LINGO2: variants seen among roughly 807,000 people sequenced by gnomAD.
LINGO2 encodes leucine rich repeat and Ig domain containing 2.
LINGO2 carries 14 observed loss-of-function variants against 30.6 expected under a neutral mutation model. The observed-to-expected ratio is 0.46, with a 90% CI of 0.30 to 0.72. The LOEUF (loss-of-function observed/expected upper bound fraction) is 0.72, where lower values mean the gene tolerates loss of function less well. Among genes scored for constraint, LINGO2 ranks in the 30% least tolerant of loss-of-function variants. The pLI, the probability that LINGO2 is intolerant of heterozygous loss-of-function variation, is 0.07. For synonymous variants in LINGO2, 317 were observed against 288.5 expected (o/e 1.10, Z -1.00); for missense variants, 729 against 751.7 (o/e 0.97, Z 0.35).
rs1282266843 is a variant in LINGO2, at chr9:28,129,690, G to A, written c.-86-117285C>T. 1 of 152,116 alleles carries A rather than the reference G, an allele frequency of 6.6e-6. No homozygotes were observed. Among genetic ancestry groups the A allele is most frequent in the East Asian group, 1.9e-4 (1 of 5,200 alleles). The allele number at this position is 152,116 out of a possible 1,614,324, so 9.4% of individuals were successfully genotyped here. On this transcript the variant is annotated intron_variant, in intron 4 of 5. Transcript: ENST00000379992. This position sits in a 1 kb window ranked among gnomAD's most constrained non-coding sequence, Gnocchi z 4.0. ...AAAATCCAAATTAGTTTTTATTAGT[G>A]GTCCCATTGTAAATTTGAAAATTTC... is the stretch of plus-strand genomic sequence containing the variant.
chr9:28,806,797 G>GT, the LINGO2 span, among the ~76,000 whole-genome samples: 1 of 152,036 alleles, frequency 6.6e-6, no homozygotes, highest in African/African-American at 2.4e-5. Flanking sequence ...GCAGGACCCA[G>GT]TATTTCTCAA....
the LINGO2 span, among the ~76,000 whole-genome samples, chr9:29,104,618 G>A: frequency 3.9e-5 from 6 of 152,046 alleles, no homozygotes; most frequent in African/African-American, 7.2e-5. Flanking sequence ...TTGGGGAGAC[G>A]AAATACCAAA....
At chr9:28,837,843 G>C in the LINGO2 span, among the ~76,000 whole-genome samples, 1 of 150,488 alleles carries the variant, frequency 6.6e-6, no homozygotes, top group Non-Finnish European at 1.5e-5. Flanking sequence ...ACAAAAATTT[G>C]AGGTCATGAG....
At position 28,189,669 on chromosome 9, in the gene LINGO2, G is replaced by A. The variant is rs71480398; in HGVS notation, c.-87+105539C>T. On this transcript the variant is annotated intron_variant, in intron 4 of 5. Coordinates refer to ENST00000379992, the Ensembl canonical transcript of LINGO2. ...GGAGGGAGGAAGGAAGGAAGGAAGG[G>A]AGGAAGGAAGGAAGGGAGGAAGGAA... 7.0e-3 allele frequency among the ~76,000 whole-genome samples: 137 copies of A among 19,566 alleles called. 11 individuals carry two copies. The highest frequency in any genetic ancestry group is 0.023 in the South Asian group (8 of 342). The allele number at this position is 19,566 out of a possible 152,430, so 12.8% of individuals were successfully genotyped here.
At chr9:29,124,937 T>G in the LINGO2 span, among the ~76,000 whole-genome samples, 1 of 152,174 alleles carries the variant, frequency 6.6e-6, no homozygotes, top group Non-Finnish European at 1.5e-5. Flanking sequence ...TTATAAATCA[T>G]TCTACTATAA....
rs75534516 is a variant in LINGO2, at chr9:28,334,622, T to C, written c.-246+38214A>G. ...GTAGAGAATGGGACTCTAGTAGGTT[T>C]GGGTGGCGTAGTGGTTATGTAAGAA... On this transcript the variant is annotated intron_variant, in intron 3 of 5. Coordinates refer to ENST00000379992, the Ensembl canonical transcript of LINGO2. Among the ~76,000 whole-genome samples, 748 of 152,226 alleles carry C rather than the reference T, an allele frequency of 4.9e-3. 10 individuals carry two copies. The highest frequency in any genetic ancestry group is 0.017 in the African/African-American group (703 of 41,546).
chr9:28,803,632 T>C, the LINGO2 span, among the ~76,000 whole-genome samples: 1 of 152,112 alleles, frequency 6.6e-6, no homozygotes, highest in South Asian at 2.1e-4. Flanking sequence ...TAAAGTAACA[T>C]GGCTCAATAC....
chr9:28,700,743 G>T, the LINGO2 span, among the ~76,000 whole-genome samples: 1 of 152,120 alleles, frequency 6.6e-6, no homozygotes, highest in South Asian at 2.1e-4. Context: ...TTCCAAAGTG[G>T]CTGTACCACT....
At chr9:29,092,820 A>G in the LINGO2 span, among the ~76,000 whole-genome samples, 1 of 135,800 alleles carries the variant, frequency 7.4e-6, no homozygotes, top group Non-Finnish European at 1.6e-5. Flanking sequence ...GTAGATTAGG[A>G]TATCTTTATT....
chr9:28,983,034 A>G, the LINGO2 span, among the ~76,000 whole-genome samples: 1 of 151,832 alleles, frequency 6.6e-6, no homozygotes, highest in African/African-American at 2.4e-5. Flanking sequence ...TTGTAGGTAC[A>G]TAAGAAAATA....
chr9:28,118,391 G>A (rs1304220261), intron 4 of LINGO2, among the ~76,000 whole-genome samples: 1 of 152,162 alleles, frequency 6.6e-6, no homozygotes, highest in Non-Finnish European at 1.5e-5. Context: ...GTTGTCTCCA[G>A]ATTTTCAAAA....
intron 2 of LINGO2, among the ~76,000 whole-genome samples, chr9:28,451,890 T>C (rs1251281257): frequency 6.6e-6 from 1 of 151,686 alleles, no homozygotes; most frequent in Non-Finnish European, 1.5e-5. Flanking sequence ...CATGAAGTAA[T>C]TATCAATATT....
chr9:28,993,017 A>G, the LINGO2 span, among the ~76,000 whole-genome samples: 189 of 152,192 alleles, frequency 1.2e-3, 1 homozygote, highest in Non-Finnish European at 2.5e-3. Context: ...CTAAAATCAG[A>G]GCAGAACTGA....
At chr9:28,823,024 T>A in the LINGO2 span, among the ~76,000 whole-genome samples, 16 of 152,324 alleles carry the variant, frequency 1.1e-4, no homozygotes, top group Middle Eastern at 3.4e-3. Context: ...AATTCTCATA[T>A]CAATGAGTTG....
In LINGO2 at chr9:28,350,350, C is replaced by G. The variant is rs904944826; in HGVS notation, c.-246+22486G>C. Among the ~76,000 whole-genome samples, 20 of 144,686 alleles carry G rather than the reference C, an allele frequency of 1.4e-4. 1 individual carries two copies. In the East Asian group the frequency reaches 3.0e-3, roughly 22 times the overall value. 94.9% of individuals were successfully genotyped at this position (144,686 alleles called of 152,430 possible). ...ACAAAAGAAGGCAGGGGTTGCAATC[C>G]TAGTCTCTGATAAAACAGACTTTAA... is the stretch of plus-strand genomic sequence containing the variant. On this transcript the variant is annotated intron_variant, in intron 3 of 5. Coordinates refer to ENST00000379992, the Ensembl canonical transcript of LINGO2.
intron 1 of LINGO2, among the ~76,000 whole-genome samples, chr9:28,487,208 G>T (rs1484694826): frequency 6.6e-6 from 1 of 152,070 alleles, no homozygotes. Flanking sequence ...CTTTCCAATA[G>T]CAGGTGGTCT....
the LINGO2 span, among the ~76,000 whole-genome samples, chr9:28,853,794 GA>G: frequency 3.3e-5 from 5 of 151,884 alleles, no homozygotes; most frequent in African/African-American, 9.7e-5. Flanking sequence ...CCGCCCCTAT[GA>G]TCCAATTACC....
the LINGO2 span, among the ~76,000 whole-genome samples, chr9:28,931,826 G>A: frequency 7.2e-5 from 11 of 151,942 alleles, no homozygotes; most frequent in African/African-American, 2.4e-4. Flanking sequence ...AGGCAGTGGC[G>A]GGGCTGGGTG....
chr9:27,948,782 T>C, exon 6 of LINGO2: 1 of 1,506,218 alleles, frequency 6.6e-7, no homozygotes, highest in Non-Finnish European at 8.9e-7. Context: ...AATCTAGTAA[T>C]TTACTGTGCC....
Sources: allele counts gnomAD v4.1 joint callset (sites outside exome capture counted in the v4.1 genomes callset), GRCh38; gene constraint gnomAD v4.1.1; non-coding constraint Gnocchi (gnomAD v3.1); transcripts MANE v1.5; gene names NCBI Gene and HGNC (gene_info 2026-07-23, HGNC 2026-07-21).